NLGN4X: variants seen among roughly 807,000 people sequenced by gnomAD.
NLGN4X encodes the protein neuroligin 4 X-linked.
In NLGN4X, 3 loss-of-function variants were observed where a neutral mutation model predicts 40.3. That is an observed-to-expected ratio of 0.07 (90% confidence interval 0.03 to 0.19). NLGN4X has a LOEUF of 0.19. Ranked by LOEUF, NLGN4X falls within the 10% of genes least tolerant of loss-of-function variation. NLGN4X has a pLI of 1.00. For missense variants in NLGN4X, 382 were observed against 708.3 expected (o/e 0.54, Z 5.23); for synonymous variants, 270 against 306.8 (o/e 0.88, Z 1.25).
chrX:5,891,342 C>T lies in NLGN4X; in HGVS notation c.*1475G>A, dbSNP rs1601836204. The T allele has an allele frequency of 9.2e-6, 2 of 216,739 alleles. No homozygotes were observed. The highest frequency in any genetic ancestry group is 5.8e-5 in the South Asian group (1 of 17,213). 17.9% of individuals were successfully genotyped at this position (216,739 alleles called of 1,213,427 possible). A position where few individuals can be genotyped will look rare whatever the true frequency, so the allele number is the denominator to read the frequency against. Reference sequence around the variant, plus strand: ...TCTATAATATTCACCGTTTGGTGACCGGATACACAAATCCACAAAAAGTGA... The same window carrying T: ...TCTATAATATTCACCGTTTGGTGACTGGATACACAAATCCACAAAAAGTGA... On this transcript the variant is annotated 3_prime_UTR_variant, in exon 6 of 6. Transcript: ENST00000381095.
chrX:5,980,119 C>A (rs955336220), intron 3 of NLGN4X, among the ~76,000 whole-genome samples: 6 of 106,046 alleles, frequency 5.7e-5, no homozygotes, highest in Non-Finnish European at 9.6e-5. Flanking sequence ...GTATACAATA[C>A]TGTATCATAT....
At chrX:5,910,450 G>A (rs938735678) in intron 3 of NLGN4X, among the ~76,000 whole-genome samples, 5 of 110,976 alleles carry the variant, frequency 4.5e-5, no homozygotes, top group African/African-American at 1.3e-4. Context: ...TTCAAGGGAT[G>A]CTCAGCACAT....
intron 3 of NLGN4X, among the ~76,000 whole-genome samples, chrX:6,019,862 T>G (rs2036487256): frequency 8.9e-6 from 1 of 112,323 alleles, no homozygotes; most frequent in African/African-American, 3.2e-5. Flanking sequence ...AGAACATTTT[T>G]AAGGCATATT....
chrX:6,172,671 AAG>A (rs1266142677), intron 1 of NLGN4X, among the ~76,000 whole-genome samples: 3 of 111,921 alleles, frequency 2.7e-5, no homozygotes, highest in African/African-American at 9.7e-5. Context: ...AATTTTTAAA[AAG>A]AATTTCTTAT....
intron 3 of NLGN4X, among the ~76,000 whole-genome samples, chrX:6,011,437 T>C (rs1430215490): frequency 9.1e-6 from 1 of 109,792 alleles, no homozygotes; most frequent in Non-Finnish European, 1.9e-5. Context: ...TCTGGCATGA[T>C]CCTAGTAAAA....
intron 3 of NLGN4X, among the ~76,000 whole-genome samples, chrX:5,913,379 C>T (rs1422097781): frequency 1.8e-5 from 2 of 111,323 alleles, no homozygotes; most frequent in African/African-American, 3.3e-5. Flanking sequence ...AGTCATTCCT[C>T]GGATAGATCA....
At chrX:5,965,176 G>A (rs1381335819) in intron 3 of NLGN4X, among the ~76,000 whole-genome samples, 1 of 111,835 alleles carries the variant, frequency 8.9e-6, no homozygotes, top group Non-Finnish European at 1.9e-5. Flanking sequence ...CACACACAAT[G>A]AGCATCTAGA....
intron 5 of NLGN4X, among the ~76,000 whole-genome samples, chrX:5,894,822 C>T (rs1467456362): frequency 1.8e-5 from 2 of 111,548 alleles, no homozygotes; most frequent in Non-Finnish European, 3.8e-5. Context: ...GTTATAAAAA[C>T]GATTTGAGAT....
rs925773071 is a variant in NLGN4X at position 6,062,300 on chromosome X, C to A, written c.473-32868G>T. On this transcript the variant is annotated intron_variant, in intron 2 of 5. Transcript: ENST00000381095. ...CTTCAAATGTATAAAAAACTCCAAC[C>A]ACTTCTCACCTCCCAGCTGTAGGTT... is the stretch of plus-strand genomic sequence containing the variant. Among the ~76,000 whole-genome samples the A allele has an allele frequency of 3.6e-5, 4 of 111,225 alleles. No individual in the cohort carries two copies. The Admixed American group carries it at 3.8e-4, about 11-fold the overall frequency.
In NLGN4X at chrX:5,892,047, GTA is replaced by G. The variant is rs771211916; in HGVS notation, c.*768_*769del. Reference sequence around the variant, plus strand: ...ATATGACTAATGTGTGTGTGTGTGTGTATATATATATATATTTATATACGTAC... The same window carrying G: ...ATATGACTAATGTGTGTGTGTGTGTGTATATATATATATTTATATACGTAC... On this transcript the variant is annotated 3_prime_UTR_variant, in exon 6 of 6. Transcript: ENST00000381095. The G allele has an allele frequency of 5.7e-4, 65 of 114,682 alleles. No individual in the cohort carries two copies. The highest frequency in any genetic ancestry group is 7.8e-4 in the Non-Finnish European group (44 of 56,300). 9.5% of individuals were successfully genotyped at this position (114,682 alleles called of 1,213,427 possible).
Position 6,126,192 on chromosome X carries a change from G to A in NLGN4X, c.472+24803C>T, listed in dbSNP as rs375136786. ...ACTTAGAAAAAACTGGGAATTGCAA[G>A]TAATTCATATTATCTGATAATGACT... On this transcript the variant is annotated intron_variant, in intron 2 of 5. Transcript: ENST00000381095. Among the ~76,000 whole-genome samples the A allele has an allele frequency of 2.1e-4, 23 of 111,232 alleles. 3 individuals carry two copies. Among genetic ancestry groups the A allele is most frequent in the Admixed American group, 1.7e-3 (18 of 10,403 alleles).
At chrX:6,009,173 TATTGTGAATA>T (rs1429188231) in intron 3 of NLGN4X, among the ~76,000 whole-genome samples, 1 of 112,169 alleles carries the variant, frequency 8.9e-6, no homozygotes, top group African/African-American at 3.2e-5. Flanking sequence ...AGTTTTTAGC[TATTGTGAATA>T]ACATGGTTAA....
intron 3 of NLGN4X, among the ~76,000 whole-genome samples, chrX:5,961,660 T>C (rs1309181024): frequency 8.9e-6 from 1 of 112,052 alleles, no homozygotes; most frequent in Non-Finnish European, 1.9e-5. Flanking sequence ...CACAGGAGCT[T>C]AAAAAGAAAA....
intron 3 of NLGN4X, among the ~76,000 whole-genome samples, chrX:6,019,879 GACT>G (rs886142962): frequency 5.4e-5 from 6 of 112,069 alleles, no homozygotes; most frequent in African/African-American, 1.9e-4. Context: ...TATTCTCTGT[GACT>G]ACTAACTCAT....
At chrX:6,007,517 T>G (rs7889916) in intron 3 of NLGN4X, among the ~76,000 whole-genome samples, 8,347 of 112,024 alleles carry the variant, frequency 0.075, 703 homozygotes, top group African/African-American at 0.24. Flanking sequence ...AAAAGCAGGT[T>G]TTCTTAAAAC....
chrX:6,059,371 T>G (rs746639314), intron 2 of NLGN4X, among the ~76,000 whole-genome samples: 1 of 112,161 alleles, frequency 8.9e-6, no homozygotes, highest in African/African-American at 3.2e-5. Flanking sequence ...CCTGACAGCG[T>G]CAGCCCACGC....
intron 3 of NLGN4X, among the ~76,000 whole-genome samples, chrX:5,920,592 T>C (rs1370978685): frequency 8.9e-6 from 1 of 111,887 alleles, no homozygotes; most frequent in East Asian, 2.8e-4. Flanking sequence ...GATGTGAATA[T>C]GTGGTAGGAG....
At chrX:6,033,063 T>A (rs1375337733) in intron 2 of NLGN4X, among the ~76,000 whole-genome samples, 2 of 111,258 alleles carry the variant, frequency 1.8e-5, no homozygotes, top group African/African-American at 6.5e-5. Flanking sequence ...CTAACGTGAG[T>A]TGTTTTAAAA....
intron 3 of NLGN4X, among the ~76,000 whole-genome samples, chrX:5,914,591 G>A (rs2032680931): frequency 2.3e-5 from 2 of 87,015 alleles, no homozygotes; most frequent in South Asian, 6.1e-4. Flanking sequence ...TGATATGTGT[G>A]TATGTATATA....
Sources: allele counts gnomAD v4.1 joint callset (sites outside exome capture counted in the v4.1 genomes callset), GRCh38; gene constraint gnomAD v4.1.1; transcripts MANE v1.5; gene names NCBI Gene and HGNC (gene_info 2026-07-23, HGNC 2026-07-21).